The following TNKS variants were observed in gnomAD, a reference collection of about 807,000 sequenced individuals.
The protein encoded by TNKS is tankyrase, also known as poly [ADP-ribose] polymerase tankyrase-1.
Under a neutral mutation model 135.8 loss-of-function variants are expected in TNKS, and 72 were observed. The observed-to-expected ratio is 0.53, with a 90% CI of 0.44 to 0.64. The LOEUF is 0.64. TNKS is among the 30% of genes least tolerant of loss of function. TNKS has a pLI of 0.00. For synonymous variants in TNKS, 849 were observed against 649.3 expected (o/e 1.31, Z -4.68); for missense variants, 1,769 against 1,674.0 (o/e 1.06, Z -0.99).
intron 17 of TNKS, among the ~76,000 whole-genome samples, chr8:9,742,401 A>T (rs1806013311): frequency 6.6e-6 from 1 of 150,684 alleles, no homozygotes; most frequent in South Asian, 2.1e-4. Context: ...TTCCCTCAGC[A>T]ATCTCGCATG....
chr8:9,682,571 G>A (rs1802826693), intron 5 of TNKS, among the ~76,000 whole-genome samples: 1 of 151,890 alleles, frequency 6.6e-6, no homozygotes, highest in Non-Finnish European at 1.5e-5. Flanking sequence ...GTGGCACTTA[G>A]AGTTCCTTAA....
chr8:9,597,875 T>G (rs866933921), intron 2 of TNKS, among the ~76,000 whole-genome samples: 2 of 152,188 alleles, frequency 1.3e-5, no homozygotes, highest in Non-Finnish European at 2.9e-5. Context: ...AAGTGAAATA[T>G]GTGATTCAAT....
At chr8:9,639,477 T>C (rs1172017872) in intron 3 of TNKS, among the ~76,000 whole-genome samples, 1 of 151,548 alleles carries the variant, frequency 6.6e-6, no homozygotes, top group Admixed American at 6.6e-5. Context: ...AATGTATACA[T>C]AGATAATTTT....
chr8:9,771,577 AAG>A (rs768115248), intron 26 of TNKS, among the ~76,000 whole-genome samples: 1 of 133,140 alleles, frequency 7.5e-6, no homozygotes, highest in Admixed American at 7.5e-5. Flanking sequence ...GAGAGGAAGG[AAG>A]AGAGAAAGGG....
intron 3 of TNKS, among the ~76,000 whole-genome samples, chr8:9,646,869 T>C (rs991149768): frequency 5.9e-5 from 9 of 152,188 alleles, no homozygotes; most frequent in Admixed American, 1.3e-4. Context: ...ACTCTGGCAG[T>C]TCATCAAGTA....
chr8:9,580,960 A>T (rs560503512), intron 2 of TNKS, among the ~76,000 whole-genome samples: 2 of 152,204 alleles, frequency 1.3e-5, no homozygotes, highest in African/African-American at 4.8e-5. Context: ...TCTCTCATAT[A>T]TATTCACATT....
chr8:9,756,076 T>C (rs1806818922), intron 20 of TNKS, among the ~76,000 whole-genome samples: 1 of 152,192 alleles, frequency 6.6e-6, no homozygotes, highest in Non-Finnish European at 1.5e-5. Flanking sequence ...ACAGATTTTA[T>C]TTACACTGCA....
At chr8:9,764,397 T>G (rs1807314773) in intron 22 of TNKS, among the ~76,000 whole-genome samples, 1 of 152,190 alleles carries the variant, frequency 6.6e-6, no homozygotes, top group Admixed American at 6.5e-5. Flanking sequence ...AGTTTTTGTT[T>G]GACTTAATCA....
Position 9,686,914 on chromosome 8 carries a change from C to T in TNKS, c.1107+6114C>T, listed in dbSNP as rs112998814. Among the ~76,000 whole-genome samples, 20 of 151,732 alleles carry T rather than the reference C, an allele frequency of 1.3e-4. No homozygotes were observed. In the East Asian group the frequency reaches 1.5e-3, roughly 12 times the overall value. ...GCCATGTGAGCTCTAAAGTACCTTT[C>T]GACTCTAACATTTCAAGATTATAAT... On this transcript the variant is annotated intron_variant, in intron 5 of 26. Coordinates refer to ENST00000310430, the MANE Select transcript of TNKS (RefSeq NM_003747.3).
At chr8:9,760,999 A>C (rs1807121263) in intron 20 of TNKS, among the ~76,000 whole-genome samples, 1 of 152,232 alleles carries the variant, frequency 6.6e-6, no homozygotes, top group South Asian at 2.1e-4. Flanking sequence ...CTGCTTTTTA[A>C]GGAAGCCTGT....
intron 17 of TNKS, among the ~76,000 whole-genome samples, chr8:9,745,085 T>C (rs1806167231): frequency 1.3e-5 from 2 of 151,892 alleles, no homozygotes; most frequent in African/African-American, 2.4e-5. Context: ...TTTAAGTAGC[T>C]TGTAACCTCA....
intron 3 of TNKS, among the ~76,000 whole-genome samples, chr8:9,617,121 C>A (rs1455441569): frequency 2.6e-5 from 4 of 152,216 alleles, no homozygotes; most frequent in Non-Finnish European, 4.4e-5. Flanking sequence ...GATCTACTTT[C>A]ACTTTTTTAA....
At chr8:9,761,429 A>ACT in intron 20 of TNKS, 87 bp from the exon 21 acceptor site, 9 of 1,364,146 alleles carry the variant, frequency 6.6e-6, no homozygotes, top group Non-Finnish European at 9.2e-6. Context: ...TTTGAATGGT[A>ACT]CTCGTAGCAT....
In TNKS at chr8:9,585,774, T is replaced by C. The variant is rs958906954; in HGVS notation, c.898+5391T>C. On this transcript the variant is annotated intron_variant, in intron 2 of 26. Coordinates refer to ENST00000310430, the MANE Select transcript of TNKS (RefSeq NM_003747.3). ...CAAACAATTCTTGGTTTAATTTGTC[T>C]TATATGCAGAGACTGAGGGGATCCT... Among the ~76,000 whole-genome samples, 16 of 152,206 alleles carry C rather than the reference T, an allele frequency of 1.1e-4. No homozygotes were observed. In the East Asian group the frequency reaches 3.1e-3, roughly 29 times the overall value.
chr8:9,649,670 A>G (rs1236108946), intron 3 of TNKS, among the ~76,000 whole-genome samples: 1 of 150,134 alleles, frequency 6.7e-6, no homozygotes, highest in African/African-American at 2.5e-5. Flanking sequence ...TGTCATTCTT[A>G]TGCCTTTGCA....
chr8:9,573,030 A>ATG (rs935269766), intron 1 of TNKS, among the ~76,000 whole-genome samples: 4 of 137,266 alleles, frequency 2.9e-5, no homozygotes, highest in Non-Finnish European at 6.3e-5. Context: ...TTTATGTTAT[A>ATG]TGTATATATA....
chr8:9,584,599 T>G (rs1350414883), intron 2 of TNKS, among the ~76,000 whole-genome samples: 1 of 152,204 alleles, frequency 6.6e-6, no homozygotes, highest in Non-Finnish European at 1.5e-5. Flanking sequence ...AGACAATGGT[T>G]TCTGTTACTT....
chr8:9,682,263 T>G (rs553808504), intron 5 of TNKS, among the ~76,000 whole-genome samples: 1 of 152,258 alleles, frequency 6.6e-6, no homozygotes, highest in Admixed American at 6.5e-5. Context: ...TATAACTGTT[T>G]TAATACTACA....
chr8:9,615,321 C>G (rs750784010), intron 2 of TNKS: 1 of 267,070 alleles, frequency 3.7e-6, no homozygotes, highest in African/African-American at 2.2e-5. Flanking sequence ...CAAACCAAAA[C>G]TCTACATTGC....
Sources: allele counts gnomAD v4.1 joint callset (sites outside exome capture counted in the v4.1 genomes callset), GRCh38; gene constraint gnomAD v4.1.1; transcripts MANE v1.5; gene names NCBI Gene and HGNC (gene_info 2026-07-23, HGNC 2026-07-21).